Variants in P4HA1 observed in about 807,000 individuals in gnomAD.
P4HA1 encodes the protein prolyl 4-hydroxylase subunit alpha 1.
In P4HA1, 24 loss-of-function variants were observed where a neutral mutation model predicts 72.8. That is an observed-to-expected ratio of 0.33 (90% CI 0.24 to 0.46). The LOEUF is 0.46. Among genes scored for constraint, P4HA1 ranks in the 20% least tolerant of loss-of-function variants. P4HA1 has a pLI of 1.00. For synonymous variants in P4HA1, 201 were observed against 218.8 expected (o/e 0.92, Z 0.72); for missense variants, 446 against 640.6 (o/e 0.70, Z 3.28).
chr10:73,076,360 G>GTTTTT (rs553512800), intron 1 of P4HA1, among the ~76,000 whole-genome samples: 11 of 136,006 alleles, frequency 8.1e-5, no homozygotes, highest in Admixed American at 2.2e-4. Context: ...CACTGTGCCT[G>GTTTTT]TTTTTTTTTT....
rs886733437 is a variant in P4HA1 at position 73,030,967 on chromosome 10, A to G, written c.1149-597T>C. Among the ~76,000 whole-genome samples the G allele has an allele frequency of 5.2e-4, 79 of 152,212 alleles. 1 individual carries two copies. The highest frequency in any genetic ancestry group is 9.0e-4 in the Non-Finnish European group (61 of 68,036). ...TGGAAAACAGTTTGGTAGTTGCTCAAAATGCTAAACACAGTTATCAAATGA... is the reference window on the plus strand; with the variant it reads ...TGGAAAACAGTTTGGTAGTTGCTCAGAATGCTAAACACAGTTATCAAATGA... On this transcript the variant is annotated intron_variant, in intron 9 of 14. Coordinates refer to ENST00000394890, the MANE Select transcript of P4HA1 (RefSeq NM_001017962.3).
intron 1 of P4HA1, among the ~76,000 whole-genome samples, chr10:73,082,251 A>T (rs1383594169): frequency 6.6e-6 from 1 of 152,220 alleles, no homozygotes; most frequent in East Asian, 1.9e-4. Context: ...GTTTATCAGG[A>T]CACAGCCCCA....
chr10:73,073,227 T>C (rs1160230902), intron 3 of P4HA1, among the ~76,000 whole-genome samples: 1 of 147,996 alleles, frequency 6.8e-6, no homozygotes, highest in Non-Finnish European at 1.5e-5. Flanking sequence ...ATTCTTTTTT[T>C]TTTTTTTTTT....
Position 73,030,295 on chromosome 10 carries a change from A to T in P4HA1, c.1224T>A (p.Asp408Glu). The stretch of plus-strand genomic sequence containing the variant: ...CCTGTAATTCCTCTGCTGTGGAAAC[A>T]TCTAGTCCTGTTAGATCTTGTATTC... ...NMRIQDLTGL[D>E]VSTAEELQVA... is the part of the protein sequence containing the mutation. Residue 408 changes from aspartate to glutamate, a missense_variant, in exon 10 of 15, where the codon GAT becomes GAA. Asp to Glu is a conservative substitution (Grantham distance 45). Coordinates refer to ENST00000394890, the MANE Select transcript of P4HA1 (RefSeq NM_001017962.3). 1.3e-6 allele frequency: 2 copies of T among 1,565,260 alleles called. No individual in the cohort carries two copies. The highest frequency in any genetic ancestry group is 1.7e-6 in the Non-Finnish European group (2 of 1,146,258).
chr10:73,087,466 A>G (rs915077238), intron 1 of P4HA1, among the ~76,000 whole-genome samples: 3 of 151,688 alleles, frequency 2.0e-5, no homozygotes, highest in Non-Finnish European at 4.4e-5. Flanking sequence ...CGGTTTCGCT[A>G]TGTTGGCCGG....
At chr10:73,064,006 A>G (rs749398549) in intron 5 of P4HA1, among the ~76,000 whole-genome samples, 1 of 152,198 alleles carries the variant, frequency 6.6e-6, no homozygotes, top group Non-Finnish European at 1.5e-5. Flanking sequence ...AAAGCTTCAT[A>G]TAAAAAGCAA....
chr10:73,011,949 A>G (rs1298324900), intron 12 of P4HA1, among the ~76,000 whole-genome samples: 2 of 152,222 alleles, frequency 1.3e-5, no homozygotes, highest in Non-Finnish European at 2.9e-5. Context: ...TAAAGAACTA[A>G]GAACACTTAA....
intron 10 of P4HA1, among the ~76,000 whole-genome samples, chr10:73,020,473 C>A (rs969921080): frequency 2.6e-5 from 4 of 152,088 alleles, no homozygotes; most frequent in African/African-American, 9.7e-5. Context: ...GATGGATTCA[C>A]AGCTGAATTT....
intron 8 of P4HA1, among the ~76,000 whole-genome samples, chr10:73,046,331 A>T (rs1840863154): frequency 1.3e-5 from 2 of 152,206 alleles, no homozygotes; most frequent in Admixed American, 1.3e-4. Context: ...AGGCAAGAGC[A>T]TAAAGGGTAG....
At chr10:73,041,829 T>C (rs2099457487) in intron 9 of P4HA1, among the ~76,000 whole-genome samples, 1 of 151,824 alleles carries the variant, frequency 6.6e-6, no homozygotes, top group African/African-American at 2.4e-5. Context: ...CATTTTTTTC[T>C]ATTTCTTTTC....
Position 73,068,922 on chromosome 10 carries a change from C to A in P4HA1, c.387G>T (p.Gly129=), listed in dbSNP as rs773744674. 3 of 1,612,038 alleles carry A rather than the reference C, an allele frequency of 1.9e-6. No individual in the cohort carries two copies. The African/African-American group carries it at 4.0e-5, about 22-fold the overall frequency. Residue 129 remains glycine, a synonymous_variant, in exon 5 of 15, where the codon GGG becomes GGT. Transcript: ENST00000394890. The part of the protein sequence containing the change: ...QYFPNDEDQV[G]AAKALLRLQD... ...GGAGACGTAACAGAGCTTTGGCTGCCCCAACCTGATCTTCATCATTAGGAA... is the reference window on the plus strand; with the variant it reads ...GGAGACGTAACAGAGCTTTGGCTGCACCAACCTGATCTTCATCATTAGGAA...
intron 9 of P4HA1, among the ~76,000 whole-genome samples, chr10:73,041,557 A>G (rs906209300): frequency 3.3e-5 from 5 of 151,906 alleles, no homozygotes; most frequent in Admixed American, 3.3e-4. Context: ...CCAAAAAAAA[A>G]AAAAAAGAAT....
intron 10 of P4HA1, among the ~76,000 whole-genome samples, chr10:73,023,887 CAAAG>C (rs1257936143): frequency 2.0e-5 from 3 of 150,778 alleles, no homozygotes; most frequent in Non-Finnish European, 2.9e-5. Flanking sequence ...TCAAAAGAGA[CAAAG>C]AAGGCCATTA....
At chr10:73,069,488 G>A (rs1390919670) in intron 4 of P4HA1, among the ~76,000 whole-genome samples, 1 of 152,036 alleles carries the variant, frequency 6.6e-6, no homozygotes, top group African/African-American at 2.4e-5. Context: ...TCAAGGAGAA[G>A]GAAGAGATAT....
intron 1 of P4HA1, among the ~76,000 whole-genome samples, chr10:73,078,612 T>TC: frequency 7.2e-6 from 1 of 139,340 alleles, no homozygotes; most frequent in East Asian, 2.0e-4. Context: ...TTTTTTTTTT[T>TC]TTTTTTTTTT....
At chr10:73,048,035 G>A (rs1324574174) in intron 7 of P4HA1, among the ~76,000 whole-genome samples, 1 of 152,128 alleles carries the variant, frequency 6.6e-6, no homozygotes, top group Non-Finnish European at 1.5e-5. Flanking sequence ...CTGGGTGACA[G>A]AGCAAGAAGC....
intron 5 of P4HA1, chr10:73,065,271 C>A (rs1841393580): frequency 6.6e-6 from 1 of 152,020 alleles, no homozygotes; most frequent in Non-Finnish European, 1.5e-5. Context: ...AGATATGGAT[C>A]TATTCAACAA....
At chr10:73,080,481 A>T (rs762946087) in intron 1 of P4HA1, among the ~76,000 whole-genome samples, 1 of 152,262 alleles carries the variant, frequency 6.6e-6, no homozygotes, top group African/African-American at 2.4e-5. Context: ...ACTTCAATTT[A>T]TCTTATGTAA....
intron 3 of P4HA1, among the ~76,000 whole-genome samples, chr10:73,072,403 A>G (rs907837773): frequency 6.6e-6 from 1 of 152,232 alleles, no homozygotes; most frequent in Non-Finnish European, 1.5e-5. Flanking sequence ...TGTTTCTCCC[A>G]AATGGTTACA....
Sources: gnomAD v4.1 joint callset for allele counts (sites outside exome capture counted in the v4.1 genomes callset) on GRCh38, gnomAD v4.1.1 for gene constraint, MANE v1.5 for transcripts, NCBI Gene and HGNC (gene_info 2026-07-23, HGNC 2026-07-21) for gene names.